Variants in FRMD5 observed in about 807,000 individuals in gnomAD.
The protein encoded by FRMD5 is FERM domain-containing protein 5.
In FRMD5, 20 loss-of-function variants were observed where a neutral mutation model predicts 69.0. That is an observed-to-expected ratio of 0.29 (90% CI 0.20 to 0.42). The LOEUF (loss-of-function observed/expected upper bound fraction) is 0.42. Ranked by LOEUF, FRMD5 falls within the 10% of genes least tolerant of loss-of-function variation. FRMD5 has a pLI of 1.00. For synonymous variants in FRMD5, 271 were observed against 260.1 expected (o/e 1.04, Z -0.40); for missense variants, 595 against 708.6 (o/e 0.84, Z 1.82).
At chr15:44,065,512 C>G (rs1470214361) in intron 1 of FRMD5, among the ~76,000 whole-genome samples, 1 of 152,144 alleles carries the variant, frequency 6.6e-6, no homozygotes, top group Non-Finnish European at 1.5e-5. Flanking sequence ...TTTGAACACT[C>G]AACAGAGTTA....
At chr15:44,073,084 T>C (rs867220110) in intron 1 of FRMD5, among the ~76,000 whole-genome samples, 16 of 152,234 alleles carry the variant, frequency 1.1e-4, no homozygotes, top group African/African-American at 3.4e-4. Context: ...GAGTGAGCTA[T>C]TGATCATGCC....
chr15:44,158,886 T>G (rs1408141257), intron 1 of FRMD5, among the ~76,000 whole-genome samples: 1 of 152,112 alleles, frequency 6.6e-6, no homozygotes, highest in African/African-American at 2.4e-5. Flanking sequence ...CAAAGTCTAG[T>G]GGAAGAAAGA....
intron 1 of FRMD5, among the ~76,000 whole-genome samples, chr15:44,082,276 G>A (rs932275287): frequency 6.6e-6 from 1 of 151,828 alleles, no homozygotes; most frequent in African/African-American, 2.4e-5. Context: ...TGCTAATCGA[G>A]AATAAGTCTG....
At chr15:43,960,652 G>C (rs1462478416) in intron 1 of FRMD5, among the ~76,000 whole-genome samples, 2 of 152,140 alleles carry the variant, frequency 1.3e-5, no homozygotes, top group African/African-American at 4.8e-5. Context: ...CCAAAGTGCT[G>C]GGATTACAGG....
At chr15:44,106,066 T>C (rs1285870371) in intron 1 of FRMD5, among the ~76,000 whole-genome samples, 1 of 152,208 alleles carries the variant, frequency 6.6e-6, no homozygotes, top group East Asian at 1.9e-4. Flanking sequence ...TATTTTTTCT[T>C]GTTTTTTTCC....
chr15:43,906,057 A>AT, intron 5 of FRMD5, 106 bp from the exon 6 acceptor site: 2 of 1,368,022 alleles, frequency 1.5e-6, no homozygotes, highest in Non-Finnish European at 2.1e-6. Context: ...TACACATCAG[A>AT]TTTATAAGAA....
intron 7 of FRMD5, among the ~76,000 whole-genome samples, chr15:43,898,189 G>A (rs768210680): frequency 2.0e-5 from 3 of 152,178 alleles, no homozygotes; most frequent in Non-Finnish European, 2.9e-5. Context: ...CCAGAGGGAA[G>A]ACCATGAATA....
chr15:43,994,504 T>C (rs1889831365), intron 1 of FRMD5, among the ~76,000 whole-genome samples: 1 of 152,186 alleles, frequency 6.6e-6, no homozygotes, highest in Admixed American at 6.5e-5. Flanking sequence ...TGGAGTTCAA[T>C]GGTGCAATAC....
intron 1 of FRMD5, among the ~76,000 whole-genome samples, chr15:43,926,385 T>C (rs369479346): frequency 5.0e-4 from 76 of 152,338 alleles, no homozygotes; most frequent in African/African-American, 1.6e-3. Flanking sequence ...TTCTGTAGTG[T>C]AGTGGTTATC....
chr15:43,974,509 T>G (rs1421734903), intron 1 of FRMD5, among the ~76,000 whole-genome samples: 1 of 152,182 alleles, frequency 6.6e-6, no homozygotes, highest in Non-Finnish European at 1.5e-5. Flanking sequence ...CTACCTTCCC[T>G]TTTCTTTCTT....
At position 44,117,102 on chromosome 15, in the gene FRMD5, C is replaced by A. The variant is rs1435314502; in HGVS notation, c.102+77851G>T. On this transcript the variant is annotated intron_variant, in intron 1 of 13. Coordinates refer to ENST00000417257, the MANE Select transcript of FRMD5 (RefSeq NM_032892.5). Reference sequence around the variant, plus strand: ...CCTGAGCGACAGAACAAGACTCCGTCTTAAAAAAAAAAAAAAAGTGTGAAT... The same window carrying A: ...CCTGAGCGACAGAACAAGACTCCGTATTAAAAAAAAAAAAAAAGTGTGAAT... Among the ~76,000 whole-genome samples the A allele has an allele frequency of 2.7e-5, 4 of 145,980 alleles. 1 individual carries two copies. Among genetic ancestry groups the A allele is most frequent in the Admixed American group, 2.7e-4 (4 of 14,692 alleles).
intron 1 of FRMD5, among the ~76,000 whole-genome samples, chr15:44,125,464 G>A (rs971027622): frequency 3.3e-5 from 5 of 152,124 alleles, no homozygotes; most frequent in East Asian, 1.9e-4. Context: ...CAAGCTAAAC[G>A]TTAGATGATT....
At chr15:43,941,666 A>G (rs568224234) in intron 1 of FRMD5, among the ~76,000 whole-genome samples, 1 of 152,236 alleles carries the variant, frequency 6.6e-6, no homozygotes, top group Non-Finnish European at 1.5e-5. Flanking sequence ...AAATAAAAGT[A>G]GTAAATTATG....
chr15:43,936,109 C>T (rs1392577074), intron 1 of FRMD5, among the ~76,000 whole-genome samples: 1 of 152,210 alleles, frequency 6.6e-6, no homozygotes, highest in African/African-American at 2.4e-5. Flanking sequence ...CTGGGAGAGA[C>T]AGAAGCATGG....
At chr15:43,982,662 A>T (rs1191244879) in intron 1 of FRMD5, among the ~76,000 whole-genome samples, 1 of 152,192 alleles carries the variant, frequency 6.6e-6, no homozygotes, top group East Asian at 1.9e-4. Context: ...ATTAGGGGAG[A>T]AATGGAACTT....
intron 1 of FRMD5, among the ~76,000 whole-genome samples, chr15:44,141,963 A>G (rs1021244079): frequency 7.9e-5 from 12 of 152,076 alleles, no homozygotes; most frequent in African/African-American, 2.9e-4. Context: ...TCTTACATCT[A>G]CTCATTGCTG....
intron 2 of FRMD5, among the ~76,000 whole-genome samples, chr15:43,921,641 A>G (rs889219017): frequency 1.3e-5 from 2 of 152,238 alleles, no homozygotes; most frequent in African/African-American, 4.8e-5. Flanking sequence ...TCACTAGCAA[A>G]CAGACAACAT....
At chr15:43,981,339 A>G (rs906372399) in intron 1 of FRMD5, among the ~76,000 whole-genome samples, 11 of 152,216 alleles carry the variant, frequency 7.2e-5, no homozygotes, top group African/African-American at 2.4e-4. Context: ...AGAAAACCAC[A>G]AGGAAGAGGA....
chr15:43,914,045 T>A (rs1455060320), intron 4 of FRMD5, among the ~76,000 whole-genome samples: 1 of 152,240 alleles, frequency 6.6e-6, no homozygotes, highest in Non-Finnish European at 1.5e-5. Flanking sequence ...AATGCTAGTG[T>A]TGTCCTAAAT....
Sources: gnomAD v4.1 joint callset for allele counts (sites outside exome capture counted in the v4.1 genomes callset) on GRCh38, gnomAD v4.1.1 for gene constraint, MANE v1.5 for transcripts, NCBI Gene and HGNC (gene_info 2026-07-23, HGNC 2026-07-21) for gene names.